Variants in PPP6R2 observed in about 807,000 individuals in gnomAD.
The protein encoded by PPP6R2 is protein phosphatase 6 regulatory subunit 2, also known as serine/threonine-protein phosphatase 6 regulatory subunit 2.
In PPP6R2, 62 loss-of-function variants were observed where a neutral mutation model predicts 100.2. The ratio of observed to expected loss-of-function variants is 0.62; its 90% CI spans 0.50 to 0.76. The LOEUF (loss-of-function observed/expected upper bound fraction) is 0.76. Ranked by LOEUF, PPP6R2 falls within the 30% of genes least tolerant of loss-of-function variation. PPP6R2 has a pLI of 0.00. For synonymous variants in PPP6R2, 525 were observed against 514.7 expected (o/e 1.02, Z -0.27); for missense variants, 1,142 against 1,276.3 (o/e 0.89, Z 1.60).
Position 50,423,629 on chromosome 22 carries a change from C to T in PPP6R2, c.1125+15C>T. On this transcript the variant is annotated intron_variant, in intron 10 of 23. Coordinates refer to ENST00000612753, the MANE Select transcript of PPP6R2 (RefSeq NM_001242898.2). This position sits in a 1 kb window ranked among gnomAD's most constrained non-coding sequence, Gnocchi z 4.8. ...ACTTACTGCTGGTAAGTGGGCCCCTCAGCCAGCCCTGCATGTCTGTGAGTG... is the reference window on the plus strand; with the variant it reads ...ACTTACTGCTGGTAAGTGGGCCCCTTAGCCAGCCCTGCATGTCTGTGAGTG... The T allele has an allele frequency of 6.2e-7, 1 of 1,613,796 alleles. No individual in the cohort carries two copies. The highest frequency in any genetic ancestry group is 8.5e-7 in the Non-Finnish European group (1 of 1,179,906).
intron 1 of PPP6R2, among the ~76,000 whole-genome samples, chr22:50,354,399 A>G (rs1190404736): frequency 3.3e-5 from 5 of 152,188 alleles, no homozygotes; most frequent in Admixed American, 3.3e-4. Context: ...CTTCCCCAAT[A>G]AGGAATCTGA....
chr22:50,359,603 G>T (rs1259110155), intron 1 of PPP6R2, among the ~76,000 whole-genome samples: 2 of 152,054 alleles, frequency 1.3e-5, no homozygotes, highest in Non-Finnish European at 2.9e-5. Context: ...CTTGTGTTTT[G>T]TCCTTTATCC....
chr22:50,432,521 A>G (rs1369803350), intron 12 of PPP6R2, among the ~76,000 whole-genome samples, 192 bp downstream of exon 12: 3 of 152,038 alleles, frequency 2.0e-5, no homozygotes, highest in African/African-American at 7.3e-5. Context: ...TGCAAATGCT[A>G]CTTGGGGAGG....
Position 50,444,317 on chromosome 22 carries a change from T to C in PPP6R2, c.*70T>C. 2 of 1,445,574 alleles carry C rather than the reference T, an allele frequency of 1.4e-6. No homozygotes were observed. The highest frequency in any genetic ancestry group is 1.8e-6 in the Non-Finnish European group (2 of 1,082,752). 89.5% of individuals were successfully genotyped at this position (1,445,574 alleles called of 1,614,324 possible). The stretch of plus-strand genomic sequence containing the variant: ...CTTAATCGAGAAAACTACCTGGTGA[T>C]GCAATCTTTTTTTTTTTTAATTTAA... On this transcript the variant is annotated 3_prime_UTR_variant, in exon 24 of 24. Coordinates refer to ENST00000612753, the MANE Select transcript of PPP6R2 (RefSeq NM_001242898.2).
chr22:50,441,073 G>A, intron 22 of PPP6R2, 47 bp downstream of exon 22: 1 of 1,429,934 alleles, frequency 7.0e-7, no homozygotes, highest in Non-Finnish European at 9.3e-7. Context: ...CATAGGGCGT[G>A]GCTTCCAGGC....
At chr22:50,436,747 C>T (rs1294358892) in intron 14 of PPP6R2, among the ~76,000 whole-genome samples, 3 of 152,358 alleles carry the variant, frequency 2.0e-5, no homozygotes, top group Admixed American at 2.0e-4. Flanking sequence ...TGGCAGAGGG[C>T]TCCTTTTGCC....
chr22:50,414,737 G>C, intron 5 of PPP6R2, 48 bp downstream of exon 5: 1 of 1,586,554 alleles, frequency 6.3e-7, no homozygotes, highest in Non-Finnish European at 8.6e-7. Context: ...GGTGCTGCAG[G>C]AAGCCAGCTG....
chr22:50,337,977 CTGTGTAGGG>C, the PPP6R2 span, among the ~76,000 whole-genome samples: 1 of 99,606 alleles, frequency 1.0e-5, no homozygotes, highest in Non-Finnish European at 2.0e-5. Context: ...GGTGTGTGTG[CTGTGTAGGG>C]TGTGTATGTT....
chr22:50,339,048 G>A (rs1339287061), upstream of PPP6R2, among the ~76,000 whole-genome samples: 1 of 131,950 alleles, frequency 7.6e-6, no homozygotes, highest in Admixed American at 8.7e-5. Context: ...GTGGTATGTA[G>A]TGTGTTATGT....
At position 50,431,670 on chromosome 22, in the gene PPP6R2, G is replaced by A. The variant is rs2063171015; in HGVS notation, c.1335+288G>A. ...AGTTCAGTCTGGCCTCCAGCTGGAGGCCCAGGGAATAAATGCCCAGGGAGC... is the reference window on the plus strand; with the variant it reads ...AGTTCAGTCTGGCCTCCAGCTGGAGACCCAGGGAATAAATGCCCAGGGAGC... On this transcript the variant is annotated intron_variant, in intron 11 of 23. Transcript: ENST00000612753. The surrounding 1 kb of genome is among the most constrained non-coding windows in gnomAD (Gnocchi z 4.8). 3.3e-5 allele frequency among the ~76,000 whole-genome samples: 5 copies of A among 152,140 alleles called. No individual in the cohort carries two copies. In the South Asian group the frequency reaches 1.0e-3, roughly 32 times the overall value.
intron 1 of PPP6R2, among the ~76,000 whole-genome samples, chr22:50,355,623 C>G (rs1168052233): frequency 6.6e-6 from 1 of 151,164 alleles, no homozygotes; most frequent in African/African-American, 2.4e-5. Context: ...TGGATTCACG[C>G]CATTCTCCTG....
chr22:50,371,172 A>G (rs2050124178), intron 1 of PPP6R2, among the ~76,000 whole-genome samples: 1 of 152,224 alleles, frequency 6.6e-6, no homozygotes, highest in Admixed American at 6.5e-5. Flanking sequence ...ACCTGGGACT[A>G]GGATAATTAT....
Position 50,439,765 on chromosome 22 carries a change from G to T in PPP6R2, c.2193G>T (p.Val731=). The T allele has an allele frequency of 6.2e-7, 1 of 1,613,756 alleles. No individual in the cohort carries two copies. Residue 731 remains valine, a synonymous_variant, in exon 20 of 24, where the codon GTG becomes GTT. Transcript: ENST00000612753. ...CAACGCCCACAGCCCCAGGAGTGGT[G>T]AGGGACGTGGGTTCCAGTGTGTGGG... ...ANSTPTAPGV[V]RDVGSSVWAA...
upstream of PPP6R2, among the ~76,000 whole-genome samples, chr22:50,342,100 G>T (rs2042468220): frequency 6.6e-6 from 1 of 152,162 alleles, no homozygotes. Context: ...ACGGCAGCAG[G>T]AGCATCTCCT....
intron 8 of PPP6R2, 151 bp from the exon 9 acceptor site, chr22:50,422,103 T>C (rs1284636485): frequency 4.4e-6 from 4 of 900,010 alleles, no homozygotes; most frequent in African/African-American, 1.7e-5. Flanking sequence ...CCAGATCACG[T>C]GTGGAGACGC....
chr22:50,394,157 G>A, intron 3 of PPP6R2, 22 bp downstream of exon 3: 5 of 1,609,554 alleles, frequency 3.1e-6, no homozygotes, highest in Non-Finnish European at 4.2e-6. Flanking sequence ...AGCTGTGACG[G>A]GCCAGTACGC....
chr22:50,399,860 A>G (rs1016136645), intron 3 of PPP6R2, among the ~76,000 whole-genome samples: 2 of 152,192 alleles, frequency 1.3e-5, no homozygotes, highest in Non-Finnish European at 1.5e-5. Flanking sequence ...GCGCCACCCC[A>G]GGGCTGGAGG....
chr22:50,442,078 G>A (rs1459997887), intron 22 of PPP6R2, among the ~76,000 whole-genome samples: 3 of 152,296 alleles, frequency 2.0e-5, no homozygotes, highest in African/African-American at 7.2e-5. Flanking sequence ...AGTCACTCCT[G>A]GCTCCATGGT....
At chr22:50,395,307 C>G (rs866713802) in intron 3 of PPP6R2, among the ~76,000 whole-genome samples, 1 of 152,146 alleles carries the variant, frequency 6.6e-6, no homozygotes, top group Non-Finnish European at 1.5e-5. Flanking sequence ...GGCAGTGTGG[C>G]GAGATGGCTG....
Sources: gnomAD v4.1 joint callset for allele counts (sites outside exome capture counted in the v4.1 genomes callset) on GRCh38, gnomAD v4.1.1 for gene constraint, Gnocchi (gnomAD v3.1) non-coding constraint, MANE v1.5 for transcripts, NCBI Gene and HGNC (gene_info 2026-07-23, HGNC 2026-07-21) for gene names.